The following SLC35F4 variants were observed in gnomAD, a reference collection of about 807,000 sequenced individuals.
The protein encoded by SLC35F4 is solute carrier family 35 member F4, also known as chromosome 14 open reading frame 36.
A neutral mutation model predicts 44.2 loss-of-function variants in SLC35F4; 24 were observed. The ratio of observed to expected loss-of-function variants is 0.54; its 90% CI spans 0.39 to 0.76. The LOEUF is 0.76. SLC35F4 is among the 30% of genes least tolerant of loss of function. The pLI is 0.00. For missense variants in SLC35F4, 562 were observed against 586.1 expected (o/e 0.96, Z 0.42); for synonymous variants, 238 against 223.6 (o/e 1.06, Z -0.57).
At chr14:57,696,212 A>G (rs1173289435) in intron 1 of SLC35F4, among the ~76,000 whole-genome samples, 1 of 152,232 alleles carries the variant, frequency 6.6e-6, no homozygotes, top group Non-Finnish European at 1.5e-5. Context: ...CAGAATTTAC[A>G]AGGAACTTAA....
At chr14:57,564,784 T>G (rs1325931985) in intron 7 of SLC35F4, among the ~76,000 whole-genome samples, 1 of 152,224 alleles carries the variant, frequency 6.6e-6, no homozygotes, top group Admixed American at 6.5e-5. Flanking sequence ...CATTTTAAAG[T>G]GGACTTAGTG....
At chr14:57,586,226 G>A (rs2069709362) in intron 3 of SLC35F4, among the ~76,000 whole-genome samples, 1 of 152,190 alleles carries the variant, frequency 6.6e-6, no homozygotes, top group Non-Finnish European at 1.5e-5. Context: ...AAGCAATGGA[G>A]GAAAGATGCC....
chr14:57,719,128 C>A (rs556193057), intron 1 of SLC35F4, among the ~76,000 whole-genome samples: 1 of 152,206 alleles, frequency 6.6e-6, no homozygotes, highest in Non-Finnish European at 1.5e-5. Context: ...GCACTTTTGT[C>A]AAAAATGAGT....
chr14:57,569,549 G>A (rs1447964033), intron 6 of SLC35F4, among the ~76,000 whole-genome samples: 2 of 152,210 alleles, frequency 1.3e-5, no homozygotes, highest in African/African-American at 2.4e-5. Context: ...GTGGTATACA[G>A]AGAGGCCTGG....
chr14:57,897,652 A>G (rs1465423409), intron 1 of SLC35F4, among the ~76,000 whole-genome samples: 1 of 152,010 alleles, frequency 6.6e-6, no homozygotes, highest in Non-Finnish European at 1.5e-5. Flanking sequence ...CACGAAAGAG[A>G]TGGTATTTTA....
At chr14:57,824,885 T>G (rs78485651) in intron 1 of SLC35F4, among the ~76,000 whole-genome samples, 1 of 151,998 alleles carries the variant, frequency 6.6e-6, no homozygotes, top group Non-Finnish European at 1.5e-5. Context: ...TCGGAGGAAC[T>G]GGGGTTTAAA....
chr14:57,665,243 A>C (rs184714081), intron 1 of SLC35F4, among the ~76,000 whole-genome samples: 2 of 152,246 alleles, frequency 1.3e-5, no homozygotes, highest in African/African-American at 4.8e-5. Context: ...TCAGGTCTTC[A>C]GACAGCTTAC....
chr14:57,847,061 C>A (rs148076799), intron 1 of SLC35F4, among the ~76,000 whole-genome samples: 1 of 152,298 alleles, frequency 6.6e-6, no homozygotes, highest in Non-Finnish European at 1.5e-5. Flanking sequence ...GTTGACACTA[C>A]TATAATATTT....
intron 6 of SLC35F4, among the ~76,000 whole-genome samples, chr14:57,569,368 C>A (rs755422460): frequency 4.5e-4 from 69 of 152,268 alleles, no homozygotes; most frequent in Non-Finnish European, 2.1e-4. Flanking sequence ...CCCTTCCTTC[C>A]TTTCTTCCAA....
At chr14:57,620,475 C>T (rs1011148718) in intron 1 of SLC35F4, among the ~76,000 whole-genome samples, 2 of 152,194 alleles carry the variant, frequency 1.3e-5, no homozygotes, top group African/African-American at 4.8e-5. Flanking sequence ...AAATCCTTTA[C>T]AGACAAGCAA....
At chr14:57,857,428 A>T (rs759447261) in intron 1 of SLC35F4, among the ~76,000 whole-genome samples, 56 of 151,986 alleles carry the variant, frequency 3.7e-4, no homozygotes, top group Non-Finnish European at 4.6e-4. Flanking sequence ...CATCTATTTG[A>T]TTCATTCATT....
At chr14:57,644,232 C>A (rs2073388214) in intron 1 of SLC35F4, among the ~76,000 whole-genome samples, 1 of 152,168 alleles carries the variant, frequency 6.6e-6, no homozygotes, top group African/African-American at 2.4e-5. Context: ...ACAGTCCCAC[C>A]AACAGTGTAA....
At position 57,593,928 on chromosome 14, in the gene SLC35F4, CACCCACAT is replaced by C. The variant is rs1370204695; in HGVS notation, c.289+3_289+10del. 6.2e-7 allele frequency: 1 copy of C among 1,612,038 alleles called. No homozygotes were observed. On this transcript the variant is annotated splice_donor_5th_base_variant and intron_variant, in intron 2 of 7. Transcript: ENST00000556826. ...GATGTACCGTTATTTAAGAGGAGGT[CACCCACAT>C]ACCTGATCTGTTCTGTCTCTCAACT... is the stretch of plus-strand genomic sequence containing the variant.
chr14:57,916,535 G>A (rs567850770), intron 1 of SLC35F4, among the ~76,000 whole-genome samples: 1 of 152,252 alleles, frequency 6.6e-6, no homozygotes, highest in South Asian at 2.1e-4. Flanking sequence ...TAACTGGGGG[G>A]AAATTCTTAG....
In SLC35F4 at chr14:57,650,503, C is replaced by A. The variant is rs545870965; in HGVS notation, c.104-56379G>T. ...TGCCCAAAACACACCTCAACTACGT[C>A]TACTTCTCACCATCTCTATGTCTGT... On this transcript the variant is annotated intron_variant, in intron 1 of 7. Coordinates refer to ENST00000556826, the MANE Select transcript of SLC35F4 (RefSeq NM_001306087.2). 1.4e-4 allele frequency among the ~76,000 whole-genome samples: 22 copies of A among 152,232 alleles called. No individual in the cohort carries two copies. In the East Asian group the frequency reaches 2.7e-3, roughly 19 times the overall value.
intron 1 of SLC35F4, among the ~76,000 whole-genome samples, chr14:57,623,026 TAA>T (rs1286480216): frequency 1.3e-5 from 2 of 151,984 alleles, no homozygotes; most frequent in Non-Finnish European, 2.9e-5. Context: ...GCAAATTGGA[TAA>T]AGAGTCAAGA....
At chr14:57,780,347 G>T (rs1442995387) in intron 1 of SLC35F4, among the ~76,000 whole-genome samples, 1 of 151,784 alleles carries the variant, frequency 6.6e-6, no homozygotes, top group East Asian at 1.9e-4. Flanking sequence ...GCCACAAAAA[G>T]AATCAAATAC....
intron 1 of SLC35F4, among the ~76,000 whole-genome samples, chr14:57,791,223 G>T (rs1308870693): frequency 6.6e-6 from 1 of 152,102 alleles, no homozygotes; most frequent in Non-Finnish European, 1.5e-5. Context: ...GAGAAATTTT[G>T]CAGTCTATTC....
At chr14:57,890,298 G>A (rs1888733837) in intron 1 of SLC35F4, among the ~76,000 whole-genome samples, 1 of 152,198 alleles carries the variant, frequency 6.6e-6, no homozygotes, top group African/African-American at 2.4e-5. Flanking sequence ...GCCAAATCTA[G>A]CTGAAGTGTA....
Sources: allele counts gnomAD v4.1 joint callset (sites outside exome capture counted in the v4.1 genomes callset), GRCh38; gene constraint gnomAD v4.1.1; transcripts MANE v1.5; gene names NCBI Gene and HGNC (gene_info 2026-07-23, HGNC 2026-07-21).